SAMD3: variants seen among roughly 807,000 people sequenced by gnomAD.
The protein encoded by SAMD3 is sterile alpha motif domain-containing protein 3.
In SAMD3, 63 loss-of-function variants were observed where a neutral mutation model predicts 58.5. That is an observed-to-expected ratio of 1.08 (90% confidence interval 0.88 to 1.33). The LOEUF (loss-of-function observed/expected upper bound fraction) is 1.33. Among genes scored for constraint, SAMD3 ranks in the 40% most tolerant of loss-of-function variants. The pLI is 0.00. For synonymous variants in SAMD3, 220 were observed against 210.3 expected (o/e 1.05, Z -0.40); for missense variants, 604 against 608.4 (o/e 0.99, Z 0.08).
chr6:130,350,470 C>G (rs1279474624), intron 1 of SAMD3, among the ~76,000 whole-genome samples: 1 of 152,048 alleles, frequency 6.6e-6, no homozygotes, highest in Non-Finnish European at 1.5e-5. Flanking sequence ...CTCCCATTCA[C>G]AATTGCTTCA....
chr6:130,225,539 TAAAG>T (rs1191114327), upstream of SAMD3, among the ~76,000 whole-genome samples: 15 of 152,190 alleles, frequency 9.9e-5, no homozygotes, highest in Non-Finnish European at 2.9e-5. Flanking sequence ...ATATTAGAAA[TAAAG>T]ACTGTAAGGA....
rs142524472 is a variant in SAMD3 at position 130,222,722 on chromosome 6, A to G, written c.-96T>C. 268 of 152,344 alleles carry G rather than the reference A, an allele frequency of 1.8e-3. No individual in the cohort carries two copies. The highest frequency in any genetic ancestry group is 6.2e-3 in the African/African-American group (257 of 41,580). 9.4% of individuals were successfully genotyped at this position (152,344 alleles called of 1,614,324 possible). A position where few individuals can be genotyped will look rare whatever the true frequency, so the allele number is the denominator to read the frequency against. On this transcript the variant is annotated 5_prime_UTR_variant, in exon 1 of 12. It removes an upstream start codon present in the reference 5' UTR. Transcript: ENST00000439090. ...TTATTGCTGGAGAGGCTTTTGGTCCATCTCTTCCAGAAGAGAAGATCAAAG... is the reference window on the plus strand; with the variant it reads ...TTATTGCTGGAGAGGCTTTTGGTCCGTCTCTTCCAGAAGAGAAGATCAAAG...
intron 2 of SAMD3, chr6:130,215,649 A>G: frequency 1.4e-6 from 2 of 1,395,184 alleles, no homozygotes; most frequent in Non-Finnish European, 1.9e-6. Context: ...AAAGAAAAGA[A>G]AGGTGTGAAA....
chr6:130,352,319 G>T (rs62432200), intron 1 of SAMD3, among the ~76,000 whole-genome samples: 2 of 152,098 alleles, frequency 1.3e-5, no homozygotes, highest in Admixed American at 1.3e-4. Context: ...GACTTTATGA[G>T]TAGAAGCCCA....
chr6:130,348,692 A>G (rs1285930783), intron 1 of SAMD3, among the ~76,000 whole-genome samples: 1 of 152,232 alleles, frequency 6.6e-6, no homozygotes, highest in Non-Finnish European at 1.5e-5. Context: ...TAACAAGGAT[A>G]TCCAGGAACT....
At chr6:130,224,371 G>A (rs1159486810), upstream of SAMD3, among the ~76,000 whole-genome samples, 1 of 151,922 alleles carries the variant, frequency 6.6e-6, no homozygotes, top group Non-Finnish European at 1.5e-5. Context: ...AGGCCTGAGG[G>A]TGGAGCCCTA....
intron 2 of SAMD3, among the ~76,000 whole-genome samples, chr6:130,290,968 C>T (rs780081136): frequency 1.1e-4 from 17 of 152,254 alleles, no homozygotes; most frequent in South Asian, 2.1e-4. Flanking sequence ...CTGGATTTAC[C>T]GAAACAGTCA....
At chr6:130,249,641 T>A (rs1372146654) in intron 2 of SAMD3, among the ~76,000 whole-genome samples, 1 of 152,122 alleles carries the variant, frequency 6.6e-6, no homozygotes, top group African/African-American at 2.4e-5. Flanking sequence ...AGCAATATGA[T>A]AAGCTCAAAA....
At chr6:130,168,048 G>A (rs1415587929) in intron 8 of SAMD3, among the ~76,000 whole-genome samples, 3 of 152,168 alleles carry the variant, frequency 2.0e-5, no homozygotes, top group African/African-American at 7.2e-5. Flanking sequence ...TGGGTGGAGG[G>A]TTAGGGACAA....
chr6:130,184,916 G>A (rs1437214524), intron 5 of SAMD3, among the ~76,000 whole-genome samples: 3 of 152,132 alleles, frequency 2.0e-5, no homozygotes, highest in Admixed American at 1.3e-4. Context: ...TTTTCTTAAA[G>A]AGAAAATGTA....
chr6:130,333,935 G>A (rs1777022990), intron 1 of SAMD3, among the ~76,000 whole-genome samples: 2 of 152,160 alleles, frequency 1.3e-5, no homozygotes, highest in Admixed American at 1.3e-4. Flanking sequence ...AGACTCCTCA[G>A]TGGGGCTGCC....
chr6:130,338,890 G>A (rs1777180841), intron 1 of SAMD3, among the ~76,000 whole-genome samples: 1 of 152,156 alleles, frequency 6.6e-6, no homozygotes, highest in South Asian at 2.1e-4. Flanking sequence ...TTTGGACTTG[G>A]ACTTTTGGGT....
intron 2 of SAMD3, among the ~76,000 whole-genome samples, chr6:130,290,198 C>A (rs10457546): frequency 0.28 from 42,157 of 151,686 alleles, 6,275 homozygotes; most frequent in East Asian, 0.45. Flanking sequence ...ATTTATTTTA[C>A]GGAATTGGTT....
At chr6:130,247,868 T>C (rs1344821843) in intron 2 of SAMD3, among the ~76,000 whole-genome samples, 1 of 152,224 alleles carries the variant, frequency 6.6e-6, no homozygotes, top group African/African-American at 2.4e-5. Flanking sequence ...GTTGCATCCA[T>C]CATAGCCTAA....
At chr6:130,224,082 C>T (rs1455855290), upstream of SAMD3, among the ~76,000 whole-genome samples, 2 of 151,868 alleles carry the variant, frequency 1.3e-5, no homozygotes, top group African/African-American at 4.8e-5. Context: ...GGCGGTCTTC[C>T]CCTGGAGTCA....
chr6:130,175,116 T>C (rs1353771167), intron 8 of SAMD3, among the ~76,000 whole-genome samples: 1 of 152,226 alleles, frequency 6.6e-6, no homozygotes, highest in African/African-American at 2.4e-5. Context: ...AGAAACAGAA[T>C]TGGGAGGACA....
chr6:130,225,643 C>T (rs1249280116), upstream of SAMD3, among the ~76,000 whole-genome samples: 4 of 152,224 alleles, frequency 2.6e-5, no homozygotes, highest in Non-Finnish European at 5.9e-5. Context: ...CTGCTGCCTA[C>T]TCACTTCTAC....
At chr6:130,242,486 T>C (rs1430833018) in intron 2 of SAMD3, among the ~76,000 whole-genome samples, 2 of 152,190 alleles carry the variant, frequency 1.3e-5, no homozygotes, top group African/African-American at 2.4e-5. Context: ...CATGGATAAG[T>C]AAACAAGACA....
At chr6:130,309,350 G>A (rs1776061272) in intron 2 of SAMD3, among the ~76,000 whole-genome samples, 1 of 152,100 alleles carries the variant, frequency 6.6e-6, no homozygotes, top group South Asian at 2.1e-4. Context: ...CTGTAAAATG[G>A]GTATAATAAT....
Sources: allele counts gnomAD v4.1 joint callset (sites outside exome capture counted in the v4.1 genomes callset), GRCh38; gene constraint gnomAD v4.1.1; transcripts MANE v1.5; gene names NCBI Gene and HGNC (gene_info 2026-07-23, HGNC 2026-07-21).